QTGAL: variants seen among roughly 807,000 people sequenced by gnomAD.
QTGAL encodes the protein BGnT-like protein 1.
At chr17:82,965,088 G>T in the QTGAL span, among the ~76,000 whole-genome samples, 1 of 147,226 alleles carries the variant, frequency 6.8e-6, no homozygotes, top group East Asian at 2.0e-4. Context: ...GGGGAGGACG[G>T]GGACACGGAT....
At chr17:82,961,324 A>G in the QTGAL span, 1 of 1,218,762 alleles carries the variant, frequency 8.2e-7, no homozygotes, top group Middle Eastern at 3.0e-4. Context: ...CTAGAGGCTC[A>G]ACAGGGACGT....
chr17:82,978,471 CTG>C, the QTGAL span: 1 of 152,174 alleles, frequency 6.6e-6, no homozygotes, highest in Non-Finnish European at 1.5e-5. This position sits in a 1 kb window ranked among gnomAD's most constrained non-coding sequence, Gnocchi z 4.8. Flanking sequence ...GATTCCGCTG[CTG>C]TGAGTGAGGA....
chr17:83,021,091 T>C, the QTGAL span, among the ~76,000 whole-genome samples: 3 of 152,254 alleles, frequency 2.0e-5, no homozygotes, highest in Non-Finnish European at 4.4e-5. Flanking sequence ...TATGGACATC[T>C]GTGTTTTGTG....
At chr17:82,969,676 AC>A in the QTGAL span, among the ~76,000 whole-genome samples, 5 of 151,928 alleles carry the variant, frequency 3.3e-5, no homozygotes, top group African/African-American at 1.2e-4. Flanking sequence ...ACATAGCAAG[AC>A]CCCATCTTTT....
chr17:82,961,077 C>T, the QTGAL span: 21 of 1,609,818 alleles, frequency 1.3e-5, no homozygotes, highest in East Asian at 4.5e-5. Context: ...AGTGCGTGGC[C>T]GCCTGTGGGT....
the QTGAL span, among the ~76,000 whole-genome samples, chr17:82,950,781 A>G: frequency 9.8e-5 from 15 of 152,308 alleles, 1 homozygote; most frequent in East Asian, 2.9e-3. Flanking sequence ...TGCACCGTCA[A>G]TGAGCAGTCG....
At chr17:82,973,660 T>TACACCGCGGGAACC in the QTGAL span, among the ~76,000 whole-genome samples, 4 of 152,096 alleles carry the variant, frequency 2.6e-5, no homozygotes, top group Non-Finnish European at 4.4e-5. Flanking sequence ...AACCGAAGCC[T>TACACCGCGGGAACC]ACACCGCGGG....
the QTGAL span, among the ~76,000 whole-genome samples, chr17:83,036,655 G>C: frequency 6.6e-6 from 1 of 152,192 alleles, no homozygotes; most frequent in Admixed American, 6.5e-5. Context: ...TTAGGGAGCT[G>C]TGGCAAGAGC....
chr17:83,030,531 G>A, the QTGAL span, among the ~76,000 whole-genome samples: 1 of 152,336 alleles, frequency 6.6e-6, no homozygotes, highest in East Asian at 1.9e-4. Flanking sequence ...GCTGCTCGGG[G>A]TCTGGGGCAC....
the QTGAL span, among the ~76,000 whole-genome samples, chr17:83,012,736 C>A: frequency 6.6e-6 from 1 of 152,174 alleles, no homozygotes; most frequent in African/African-American, 2.4e-5. Context: ...TCTGCACTTT[C>A]CTCACATAAA....
chr17:82,998,117 GTAT>G, the QTGAL span, among the ~76,000 whole-genome samples: 1 of 151,772 alleles, frequency 6.6e-6, no homozygotes, highest in South Asian at 2.1e-4. Context: ...GAATATAGTT[GTAT>G]TGTTTGTAAC....
At chr17:83,028,942 C>T in the QTGAL span, among the ~76,000 whole-genome samples, 4 of 152,302 alleles carry the variant, frequency 2.6e-5, no homozygotes, top group Admixed American at 6.5e-5. Context: ...CAAGCTGTAA[C>T]GCATGACCAT....
chr17:83,036,046 A>G, the QTGAL span, among the ~76,000 whole-genome samples: 1 of 151,516 alleles, frequency 6.6e-6, no homozygotes, highest in African/African-American at 2.5e-5. Context: ...GAGTGGGTGC[A>G]CATCCCATGA....
the QTGAL span, among the ~76,000 whole-genome samples, chr17:83,024,375 C>A: frequency 6.6e-6 from 1 of 152,226 alleles, no homozygotes; most frequent in Non-Finnish European, 1.5e-5. Flanking sequence ...TTTCTTGAAC[C>A]GGAAATCAAG....
chr17:83,014,613 C>T, the QTGAL span: 2,780 of 1,387,938 alleles, frequency 2.0e-3, 8 homozygotes, highest in Non-Finnish European at 2.5e-3. Context: ...TGGAGTGCAA[C>T]GGCACAATCA....
the QTGAL span, among the ~76,000 whole-genome samples, chr17:82,986,043 GCC>G: frequency 6.6e-6 from 1 of 152,174 alleles, no homozygotes; most frequent in Non-Finnish European, 1.5e-5. Context: ...GTCTTCAGGA[GCC>G]CTGCTCAGAA....
chr17:83,035,490 A>C, the QTGAL span, among the ~76,000 whole-genome samples: 1 of 152,194 alleles, frequency 6.6e-6, no homozygotes, highest in Non-Finnish European at 1.5e-5. Context: ...TTCTATAAGA[A>C]AGCTAGGAAC....
chr17:83,022,148 G>A, the QTGAL span, among the ~76,000 whole-genome samples: 6 of 152,314 alleles, frequency 3.9e-5, no homozygotes, highest in Non-Finnish European at 5.9e-5. Context: ...GTTCTTAGAC[G>A]GGACACAAAA....
chr17:82,949,504 C>T, the QTGAL span: 1 of 152,296 alleles, frequency 6.6e-6, no homozygotes, highest in East Asian at 1.9e-4. Context: ...GCAAGCTGCT[C>T]CCGCCAAACG....
Sources: allele counts gnomAD v4.1 joint callset (sites outside exome capture counted in the v4.1 genomes callset), GRCh38; gene constraint gnomAD v4.1.1; non-coding constraint Gnocchi (gnomAD v3.1); transcripts MANE v1.5; gene names NCBI Gene and HGNC (gene_info 2026-07-23, HGNC 2026-07-21).